The following MARCHF1 variants were observed in gnomAD, a reference collection of about 807,000 sequenced individuals.
MARCHF1 encodes membrane associated ring-CH-type finger 1.
A neutral mutation model predicts 54.2 loss-of-function variants in MARCHF1; 40 were observed. That is an observed-to-expected ratio of 0.74 (90% CI 0.57 to 0.96). The LOEUF is 0.96. MARCHF1 is among the 40% of genes least tolerant of loss of function. MARCHF1 has a pLI of 0.00. For synonymous variants in MARCHF1, 236 were observed against 236.3 expected, an observed-to-expected ratio of 1.00 and a Z score of 0.01; for missense variants, 586 against 656.5, an observed-to-expected ratio of 0.89 and a Z score of 1.17.
chr4:164,301,429 A>G (rs993863660), intron 1 of MARCHF1, among the ~76,000 whole-genome samples: 14 of 152,242 alleles, frequency 9.2e-5, no homozygotes, highest in African/African-American at 3.4e-4. Flanking sequence ...AGGCTGTCTT[A>G]AGAAGGCAGG....
chr4:164,298,184 G>T (rs1183740528), intron 1 of MARCHF1, among the ~76,000 whole-genome samples: 1 of 152,030 alleles, frequency 6.6e-6, no homozygotes, highest in African/African-American at 2.4e-5. Context: ...TTTACAAACT[G>T]CCCACTACTA....
chr4:164,161,700 T>C (rs1897218), intron 1 of MARCHF1, among the ~76,000 whole-genome samples: 1,879 of 152,272 alleles, frequency 0.012, 35 homozygotes, highest in African/African-American at 0.04. Flanking sequence ...ACTTAAATGA[T>C]ACAAGGCAAA....
intron 3 of MARCHF1, among the ~76,000 whole-genome samples, chr4:163,892,233 G>A (rs1365331812): frequency 6.6e-6 from 1 of 152,126 alleles, no homozygotes; most frequent in Non-Finnish European, 1.5e-5. Flanking sequence ...GCATAATCTA[G>A]TGCAGTGCTT....
At chr4:163,909,154 C>T (rs1751134916) in intron 3 of MARCHF1, among the ~76,000 whole-genome samples, 1 of 152,030 alleles carries the variant, frequency 6.6e-6, no homozygotes, top group Admixed American at 6.6e-5. Context: ...CTTCTTTAAA[C>T]AGCCCATCCT....
chr4:164,158,226 A>G (rs999279672), intron 1 of MARCHF1, among the ~76,000 whole-genome samples: 1 of 152,210 alleles, frequency 6.6e-6, no homozygotes, highest in Non-Finnish European at 1.5e-5. Context: ...TCAACACCTA[A>G]TCAAATAAGT....
At chr4:164,036,770 C>T (rs1373428513) in intron 2 of MARCHF1, among the ~76,000 whole-genome samples, 3 of 151,338 alleles carry the variant, frequency 2.0e-5, no homozygotes, top group African/African-American at 7.3e-5. Context: ...AATAAAAAGG[C>T]TAGAATTTAA....
At chr4:164,234,872 G>A (rs913532818) in intron 1 of MARCHF1, 3 of 152,068 alleles carry the variant, frequency 2.0e-5, no homozygotes, top group Non-Finnish European at 4.4e-5. Flanking sequence ...TTTCTACTCA[G>A]CGGTGCTATT....
chr4:163,640,269 C>T (rs1220061433), intron 5 of MARCHF1, among the ~76,000 whole-genome samples: 1 of 152,050 alleles, frequency 6.6e-6, no homozygotes, highest in Non-Finnish European at 1.5e-5. Flanking sequence ...CTGTGTCTCT[C>T]AACAGGATTG....
At chr4:164,142,460 C>A (rs62350029) in intron 1 of MARCHF1, among the ~76,000 whole-genome samples, 1 of 151,892 alleles carries the variant, frequency 6.6e-6, no homozygotes, top group Non-Finnish European at 1.5e-5. Flanking sequence ...TCTCCCAGCA[C>A]GCAGCTGGAG....
chr4:163,716,311 G>A (rs1244310368), intron 4 of MARCHF1, among the ~76,000 whole-genome samples: 1 of 152,144 alleles, frequency 6.6e-6, no homozygotes, highest in East Asian at 1.9e-4. Flanking sequence ...AATACAAAAT[G>A]CACAATATTA....
At chr4:164,048,947 T>C (rs931051568) in intron 2 of MARCHF1, among the ~76,000 whole-genome samples, 1 of 152,186 alleles carries the variant, frequency 6.6e-6, no homozygotes, top group African/African-American at 2.4e-5. Context: ...TAAAACTTTC[T>C]AAGCTAGATA....
chr4:164,164,759 C>T (rs1730327533), intron 1 of MARCHF1, among the ~76,000 whole-genome samples: 2 of 151,982 alleles, frequency 1.3e-5, no homozygotes, highest in African/African-American at 4.8e-5. Flanking sequence ...CGCATATGAA[C>T]ATGAGTTTGA....
At chr4:164,083,739 C>T (rs1012841505) in intron 2 of MARCHF1, among the ~76,000 whole-genome samples, 15 of 151,924 alleles carry the variant, frequency 9.9e-5, no homozygotes, top group African/African-American at 3.4e-4. Flanking sequence ...CTAACACTAC[C>T]CAATTCTGCT....
intron 5 of MARCHF1, among the ~76,000 whole-genome samples, chr4:163,616,705 C>A (rs910997171): frequency 2.7e-5 from 4 of 150,326 alleles, no homozygotes; most frequent in East Asian, 2.0e-4. Context: ...ATAGTGAGAC[C>A]CCTGTCTCTG....
chr4:163,800,494 A>T (rs1748049220), intron 4 of MARCHF1, among the ~76,000 whole-genome samples: 1 of 151,940 alleles, frequency 6.6e-6, no homozygotes, highest in African/African-American at 2.4e-5. Flanking sequence ...TTTAAATCAA[A>T]GTTAAGAGCT....
chr4:163,787,471 G>C (rs1412275780), intron 4 of MARCHF1, among the ~76,000 whole-genome samples: 1 of 151,516 alleles, frequency 6.6e-6, no homozygotes, highest in Non-Finnish European at 1.5e-5. Flanking sequence ...CACTTGTAAA[G>C]ATGCTTGACA....
At chr4:164,005,023 A>G (rs1753258400) in intron 2 of MARCHF1, among the ~76,000 whole-genome samples, 1 of 152,090 alleles carries the variant, frequency 6.6e-6, no homozygotes, top group Non-Finnish European at 1.5e-5. Context: ...AAAAACAATA[A>G]TGCAGAAAAT....
intron 3 of MARCHF1, among the ~76,000 whole-genome samples, chr4:163,974,697 C>G (rs1364814806): frequency 1.3e-5 from 2 of 152,106 alleles, no homozygotes; most frequent in Non-Finnish European, 2.9e-5. Flanking sequence ...ATCATAAAAA[C>G]CCAAAACATC....
At chr4:164,089,549 T>C (rs1755257252) in intron 2 of MARCHF1, among the ~76,000 whole-genome samples, 1 of 152,172 alleles carries the variant, frequency 6.6e-6, no homozygotes, top group South Asian at 2.1e-4. Flanking sequence ...ACTCATTAAA[T>C]TATACACACT....
Sources: allele counts gnomAD v4.1 joint callset (sites outside exome capture counted in the v4.1 genomes callset), GRCh38; gene constraint gnomAD v4.1.1; transcripts MANE v1.5; gene names NCBI Gene and HGNC (gene_info 2026-07-23, HGNC 2026-07-21).